The following EML5 variants were observed in gnomAD, a reference collection of about 807,000 sequenced individuals.
EML5 encodes echinoderm microtubule-associated protein-like 5.
Under a neutral mutation model 250.0 loss-of-function variants are expected in EML5, and 120 were observed. The ratio of observed to expected loss-of-function variants is 0.48; its 90% CI spans 0.41 to 0.56. The LOEUF is 0.56. EML5 is among the 20% of genes least tolerant of loss of function. The pLI, the probability that EML5 is intolerant of heterozygous loss-of-function variation, is 0.00. For missense variants in EML5, 2,006 were observed against 2,437.6 expected, an observed-to-expected ratio of 0.82 and a Z score of 3.73; for synonymous variants, 771 against 806.5, an observed-to-expected ratio of 0.96 and a Z score of 0.75.
chr14:88,653,828 A>C (rs984359193), intron 27 of EML5, among the ~76,000 whole-genome samples: 10 of 151,900 alleles, frequency 6.6e-5, no homozygotes, highest in African/African-American at 2.4e-4. Flanking sequence ...GTTAGGGAGG[A>C]GTCTCTCTTT....
chr14:88,684,819 T>C (rs2092794762), intron 20 of EML5, among the ~76,000 whole-genome samples, 196 bp downstream of exon 20: 1 of 152,036 alleles, frequency 6.6e-6, no homozygotes, highest in Non-Finnish European at 1.5e-5. Flanking sequence ...AAAAAACAAA[T>C]TTTTTCTGTA....
intron 11 of EML5, chr14:88,705,897 TA>T (rs2093308570): frequency 5.3e-6 from 3 of 564,708 alleles, no homozygotes; most frequent in South Asian, 1.6e-5. Context: ...GAAAAATAGC[TA>T]AAAATACTAT....
intron 3 of EML5, among the ~76,000 whole-genome samples, chr14:88,745,169 G>GTTTGTT (rs138938875): frequency 4.2e-4 from 57 of 137,202 alleles, no homozygotes; most frequent in East Asian, 1.9e-3. Context: ...TTGTGTGTTT[G>GTTTGTT]TGTGTGTGTG....
intron 7 of EML5, among the ~76,000 whole-genome samples, chr14:88,731,148 C>G (rs2093750566): frequency 6.6e-6 from 1 of 151,952 alleles, no homozygotes; most frequent in African/African-American, 2.4e-5. Context: ...TATACATGCG[C>G]CATGTTGGTG....
rs145987561 is a variant in EML5 at position 88,698,606 on chromosome 14, C to T, written c.2239-1654G>A. 2.6e-5 allele frequency among the ~76,000 whole-genome samples: 4 copies of T among 152,226 alleles called. No homozygotes were observed. In the East Asian group the frequency reaches 7.7e-4, roughly 29 times the overall value. On this transcript the variant is annotated intron_variant, in intron 14 of 43. Transcript: ENST00000554922. ...CTGAGTTTCCTTCTCAATTTCCTCA[C>T]CTGTTACTTAAATACAAACCTCTCC...
intron 19 of EML5, 76 bp from the exon 20 acceptor site, chr14:88,685,218 C>T: frequency 1.6e-6 from 2 of 1,246,082 alleles, no homozygotes; most frequent in Middle Eastern, 2.5e-4. Flanking sequence ...GCCAATTAAG[C>T]TATTTTGACA....
At chr14:88,628,505 T>C (rs2090191543) in intron 33 of EML5, among the ~76,000 whole-genome samples, 1 of 152,082 alleles carries the variant, frequency 6.6e-6, no homozygotes, top group Non-Finnish European at 1.5e-5. Flanking sequence ...ATTAAAAAAA[T>C]TATAGTTTTA....
chr14:88,776,887 G>GA (rs1245528768), intron 1 of EML5, among the ~76,000 whole-genome samples: 2 of 151,712 alleles, frequency 1.3e-5, no homozygotes, highest in Non-Finnish European at 2.9e-5. Context: ...TCTCAAAAAT[G>GA]AAAAAACAGA....
intron 24 of EML5, among the ~76,000 whole-genome samples, chr14:88,662,600 T>G (rs1370498623): frequency 6.7e-6 from 1 of 150,192 alleles, no homozygotes; most frequent in Non-Finnish European, 1.5e-5. Context: ...TGGAGTGTAG[T>G]GGCATGAACA....
chr14:88,621,446 C>T, intron 37 of EML5, 145 bp from the exon 38 acceptor site: 1 of 845,954 alleles, frequency 1.2e-6, no homozygotes, highest in East Asian at 2.5e-5. Flanking sequence ...TTAGCTCATG[C>T]AAATTTTTCT....
chr14:88,681,740 CT>C (rs2092717972), intron 21 of EML5, 149 bp downstream of exon 21: 1 of 906,568 alleles, frequency 1.1e-6, no homozygotes, highest in African/African-American at 1.7e-5. Flanking sequence ...TTACGTTTCT[CT>C]ATGTGGCACC....
chr14:88,671,638 T>C (rs1267346992), intron 21 of EML5, among the ~76,000 whole-genome samples: 1 of 152,104 alleles, frequency 6.6e-6, no homozygotes, highest in Non-Finnish European at 1.5e-5. Flanking sequence ...CCCACTGGTG[T>C]GCTATATTCA....
Position 88,702,640 on chromosome 14 carries a change from A to G in EML5, c.2052-8T>C. On this transcript the variant is annotated splice_polypyrimidine_tract_variant and splice_region_variant and intron_variant, in intron 13 of 43. Transcript: ENST00000554922. Reference sequence around the variant, plus strand: ...CAGTCATAACCTCTGTAACTAATATAGAAAACAAATCATATATAATTAATT... The same window carrying G: ...CAGTCATAACCTCTGTAACTAATATGGAAAACAAATCATATATAATTAATT... The G allele has an allele frequency of 1.3e-6, 2 of 1,530,212 alleles. No homozygotes were observed. Among genetic ancestry groups the G allele is most frequent in the Non-Finnish European group, 1.8e-6 (2 of 1,137,308 alleles). The allele number at this position is 1,530,212 out of a possible 1,614,324, so 94.8% of individuals were successfully genotyped here.
chr14:88,682,621 C>A (rs563353090), intron 20 of EML5, among the ~76,000 whole-genome samples: 2 of 152,118 alleles, frequency 1.3e-5, no homozygotes, highest in Non-Finnish European at 2.9e-5. Context: ...TCTCTCTCCC[C>A]CCAGCTCGCG....
rs1214516225 is a variant in EML5 at position 88,705,930 on chromosome 14, TA to T, written c.1825+328del. The T allele has an allele frequency of 9.3e-6, 5 of 539,124 alleles. No homozygotes were observed. The African/African-American group carries it at 9.5e-5, about 10-fold the overall frequency. 33.4% of individuals were successfully genotyped at this position (539,124 alleles called of 1,614,324 possible). A position where few individuals can be genotyped will look rare whatever the true frequency, so the allele number is the denominator to read the frequency against. On this transcript the variant is annotated intron_variant, in intron 11 of 43. Coordinates refer to ENST00000554922, the MANE Select transcript of EML5 (RefSeq NM_183387.3). ...CTATATGCAACAGATGAATTGACAT[TA>T]GATAATTTTTGTCAATAAAAGCATT...
intron 7 of EML5, among the ~76,000 whole-genome samples, chr14:88,728,566 A>T (rs2093702820): frequency 6.6e-6 from 1 of 152,188 alleles, no homozygotes; most frequent in African/African-American, 2.4e-5. Flanking sequence ...CATTAAGTAG[A>T]AGTGGATCAT....
intron 21 of EML5, 31 bp from the exon 22 acceptor site, chr14:88,665,520 T>G: frequency 6.2e-7 from 1 of 1,612,744 alleles, no homozygotes; most frequent in Non-Finnish European, 8.5e-7. Context: ...TAGGCAATTT[T>G]CCCTTTTTTC....
chr14:88,638,957 GC>G, intron 31 of EML5, 50 bp from the exon 32 acceptor site: 1 of 1,383,646 alleles, frequency 7.2e-7, no homozygotes, highest in Non-Finnish European at 9.9e-7. Context: ...AGATGTAACA[GC>G]CAAAAGCACT....
intron 1 of EML5, among the ~76,000 whole-genome samples, chr14:88,784,368 A>T (rs902424060): frequency 5.9e-5 from 9 of 151,896 alleles, no homozygotes; most frequent in South Asian, 2.1e-4. Flanking sequence ...GTTTTTTTTT[A>T]AAAAGTTAAA....
Sources: gnomAD v4.1 joint callset for allele counts (sites outside exome capture counted in the v4.1 genomes callset) on GRCh38, gnomAD v4.1.1 for gene constraint, MANE v1.5 for transcripts, NCBI Gene and HGNC (gene_info 2026-07-23, HGNC 2026-07-21) for gene names.